The following TMEM131 variants were observed in gnomAD, a reference collection of about 807,000 sequenced individuals.
The protein encoded by TMEM131 is 2610524E03Rik.
TMEM131 carries 66 observed loss-of-function variants against 211.6 expected under a neutral mutation model. That is an observed-to-expected ratio of 0.31 (90% CI 0.26 to 0.38). TMEM131 has a LOEUF of 0.38. Among genes scored for constraint, TMEM131 ranks in the 10% least tolerant of loss-of-function variants. TMEM131 has a pLI of 1.00. For synonymous variants in TMEM131, 844 were observed against 841.3 expected, an observed-to-expected ratio of 1.00 and a Z score of -0.06; for missense variants, 2,036 against 2,299.3, an observed-to-expected ratio of 0.89 and a Z score of 2.34.
At chr2:97,905,160 A>G (rs548895933) in intron 3 of TMEM131, among the ~76,000 whole-genome samples, 1 of 152,272 alleles carries the variant, frequency 6.6e-6, no homozygotes, top group East Asian at 1.9e-4. Flanking sequence ...GTCTACTGCA[A>G]ATTTTCTCAG....
intron 4 of TMEM131, among the ~76,000 whole-genome samples, chr2:97,879,495 TATTA>T (rs1298926309): frequency 3.3e-5 from 5 of 152,240 alleles, no homozygotes; most frequent in African/African-American, 1.2e-4. Context: ...CCATAATTAC[TATTA>T]ATTTTCTCAC....
intron 4 of TMEM131, among the ~76,000 whole-genome samples, chr2:97,868,505 A>AT (rs558661836): frequency 1.2e-3 from 177 of 151,970 alleles, no homozygotes; most frequent in African/African-American, 4.1e-3. Flanking sequence ...TAGTTACTTT[A>AT]TTTTTTTTAC....
At chr2:97,963,386 C>G (rs1007031878) in intron 1 of TMEM131, among the ~76,000 whole-genome samples, 1 of 151,978 alleles carries the variant, frequency 6.6e-6, no homozygotes, top group Non-Finnish European at 1.5e-5. Flanking sequence ...TTTTTGTTTC[C>G]TTAAGGTCTC....
intron 31 of TMEM131, among the ~76,000 whole-genome samples, chr2:97,780,177 A>G (rs1679931511): frequency 6.6e-6 from 1 of 152,096 alleles, no homozygotes; most frequent in African/African-American, 2.4e-5. Flanking sequence ...CTCATTTCCT[A>G]TTTCTCTGTC....
At position 97,757,391 on chromosome 2, in the gene TMEM131, A is replaced by C; in HGVS notation, c.5368-8T>G. Reference sequence around the variant, plus strand: ...GGTGTTACCGAGGACCGACTGCGACAAAACAGAAAGCGTCCAGCACTGAGC... The same window carrying C: ...GGTGTTACCGAGGACCGACTGCGACCAAACAGAAAGCGTCCAGCACTGAGC... On this transcript the variant is annotated splice_polypyrimidine_tract_variant and splice_region_variant and intron_variant, in intron 40 of 40. Coordinates refer to ENST00000186436, the MANE Select transcript of TMEM131 (RefSeq NM_015348.2). 1 of 1,584,742 alleles carries C rather than the reference A, an allele frequency of 6.3e-7. No individual in the cohort carries two copies. Among genetic ancestry groups the C allele is most frequent in the Non-Finnish European group, 8.6e-7 (1 of 1,162,100 alleles).
intron 8 of TMEM131, 52 bp from the exon 9 acceptor site, chr2:97,834,977 C>T: frequency 6.3e-7 from 1 of 1,594,964 alleles, no homozygotes; most frequent in Non-Finnish European, 8.6e-7. Context: ...TGTAGCAAAA[C>T]CACCATTTTT....
intron 35 of TMEM131, chr2:97,764,194 C>T (rs755468881): frequency 7.9e-5 from 12 of 152,310 alleles, no homozygotes; most frequent in Admixed American, 1.3e-4. Flanking sequence ...GCTGGCTGCA[C>T]AGTCTTGGGT....
intron 25 of TMEM131, among the ~76,000 whole-genome samples, chr2:97,799,352 G>T (rs560370273): frequency 6.6e-6 from 1 of 152,234 alleles, no homozygotes; most frequent in East Asian, 1.9e-4. Flanking sequence ...GATACAATGG[G>T]AAGTATGTAA....
intron 4 of TMEM131, among the ~76,000 whole-genome samples, chr2:97,882,578 G>A (rs1207456526): frequency 6.6e-6 from 1 of 152,164 alleles, no homozygotes; most frequent in Non-Finnish European, 1.5e-5. Context: ...ACTTATCTGT[G>A]GACAAGAAAC....
chr2:97,965,471 G>T (rs1054996747), intron 1 of TMEM131, among the ~76,000 whole-genome samples: 1 of 152,148 alleles, frequency 6.6e-6, no homozygotes, highest in Non-Finnish European at 1.5e-5. Context: ...TGGACTCGGG[G>T]TACCCGCCAG....
intron 2 of TMEM131, among the ~76,000 whole-genome samples, chr2:97,917,152 C>T (rs774255443): frequency 6.6e-6 from 1 of 152,170 alleles, no homozygotes; most frequent in Non-Finnish European, 1.5e-5. Flanking sequence ...ATCCAGTCTT[C>T]TGCCAGCTTT....
intron 33 of TMEM131, among the ~76,000 whole-genome samples, chr2:97,767,287 TAA>T (rs1164839299): frequency 1.3e-5 from 2 of 152,210 alleles, no homozygotes; most frequent in African/African-American, 4.8e-5. Flanking sequence ...AAATATATCT[TAA>T]GTTTCCAAAG....
chr2:97,976,934 C>T (rs1196412150), intron 1 of TMEM131, among the ~76,000 whole-genome samples: 1 of 124,922 alleles, frequency 8.0e-6, no homozygotes. Flanking sequence ...TTTTAATAGA[C>T]ACTAGAAGAA....
intron 7 of TMEM131, among the ~76,000 whole-genome samples, chr2:97,839,094 T>C (rs1477336136): frequency 2.6e-5 from 4 of 151,994 alleles, no homozygotes. Flanking sequence ...GAGGCCAAGG[T>C]AGCGGGGATC....
In TMEM131 at chr2:97,811,211, A is replaced by G; in HGVS notation, c.1885T>C (p.Phe629Leu). The change falls in exon 18 of 41, where the codon TTT becomes CTT. Residue 629 changes from phenylalanine (F) to leucine (L), a missense_variant. Transcript: ENST00000186436. Reference protein sequence around the residue: ...QSSVTLASGYFAVFRVKLTAK... With the variant: ...QSSVTLASGYLAVFRVKLTAK... ...GTAAGTTTGACTCTGAAGACTGCAA[A>G]ATAGCCTGAAGCTAATGTTACCTGT... 6.2e-7 allele frequency: 1 copy of G among 1,613,626 alleles called. No homozygotes were observed. Among genetic ancestry groups the G allele is most frequent in the African/African-American group, 1.3e-5 (1 of 75,030 alleles).
Position 97,812,626 on chromosome 2 carries a change from A to C in TMEM131, c.1728+13T>G. ...ATCCTTAAATGTGATTTAGAATAAAAACAGGTTTTTACCTCAATTGGATTG... is the reference window on the plus strand; with the variant it reads ...ATCCTTAAATGTGATTTAGAATAAACACAGGTTTTTACCTCAATTGGATTG... On this transcript the variant is annotated intron_variant, in intron 16 of 40. Transcript: ENST00000186436. 6.3e-7 allele frequency: 1 copy of C among 1,585,074 alleles called. No homozygotes were observed. The highest frequency in any genetic ancestry group is 2.2e-5 in the East Asian group (1 of 44,602).
chr2:97,948,482 A>G (rs1038583938), intron 1 of TMEM131, among the ~76,000 whole-genome samples: 2 of 152,186 alleles, frequency 1.3e-5, no homozygotes, highest in Non-Finnish European at 2.9e-5. Context: ...CATTAGGAAA[A>G]TAAAAATTAA....
At chr2:97,843,162 T>G (rs927938092) in intron 6 of TMEM131, among the ~76,000 whole-genome samples, 1 of 151,760 alleles carries the variant, frequency 6.6e-6, no homozygotes, top group African/African-American at 2.4e-5. Flanking sequence ...AAGATTATGG[T>G]CTTTATACTT....
chr2:97,811,105 A>T, intron 18 of TMEM131, 23 bp downstream of exon 18: 4 of 1,536,208 alleles, frequency 2.6e-6, no homozygotes, highest in Non-Finnish European at 2.7e-6. Context: ...CCCCACTGCC[A>T]TGAATCCCCA....
Sources: gnomAD v4.1 joint callset for allele counts (sites outside exome capture counted in the v4.1 genomes callset) on GRCh38, gnomAD v4.1.1 for gene constraint, MANE v1.5 for transcripts, NCBI Gene and HGNC (gene_info 2026-07-23, HGNC 2026-07-21) for gene names.